The following SLC8A1 variants were observed in gnomAD, a reference collection of about 807,000 sequenced individuals.
SLC8A1 encodes the protein sodium/calcium exchanger 1.
In SLC8A1, 18 loss-of-function variants were observed where a neutral mutation model predicts 68.3. The observed-to-expected ratio is 0.26, with a 90% confidence interval of 0.18 to 0.39. The LOEUF is 0.39. SLC8A1 is among the 10% of genes least tolerant of loss of function. The pLI is 1.00. For synonymous variants in SLC8A1, 475 were observed against 415.5 expected, an observed-to-expected ratio of 1.14 and a Z score of -1.74; for missense variants, 985 against 1,156.7, an observed-to-expected ratio of 0.85 and a Z score of 2.15.
At chr2:40,429,459 C>G (rs539655305) in exon 2 of SLC8A1, 1 of 1,613,902 alleles carries the variant, frequency 6.2e-7, no homozygotes, top group South Asian at 1.1e-5. Flanking sequence ...GTTCAATAAT[C>G]ATCCCCCTCT....
intron 2 of SLC8A1, among the ~76,000 whole-genome samples, chr2:40,369,341 T>G (rs907972023): frequency 1.3e-5 from 2 of 152,106 alleles, no homozygotes; most frequent in African/African-American, 4.8e-5. Context: ...GTTTCTAGTG[T>G]GTCTGCAACC....
At chr2:40,119,298 C>A (rs989850646) in intron 7 of SLC8A1, among the ~76,000 whole-genome samples, 1 of 150,962 alleles carries the variant, frequency 6.6e-6, no homozygotes, top group South Asian at 2.1e-4. Context: ...GACATCAGGC[C>A]TTTTGTCTGT....
At chr2:40,413,434 T>G (rs1239466644) in intron 2 of SLC8A1, among the ~76,000 whole-genome samples, 4 of 152,162 alleles carry the variant, frequency 2.6e-5, no homozygotes, top group Non-Finnish European at 4.4e-5. Context: ...AAAAAAATGA[T>G]GAGTTCATGT....
chr2:40,445,604 G>T (rs1461626254), intron 1 of SLC8A1, among the ~76,000 whole-genome samples: 13 of 152,176 alleles, frequency 8.5e-5, no homozygotes, highest in Admixed American at 8.5e-4. Context: ...GCAAAACTAG[G>T]TGATATCAGA....
At chr2:40,142,345 C>T (rs759057525) in intron 6 of SLC8A1, among the ~76,000 whole-genome samples, 85 of 150,682 alleles carry the variant, frequency 5.6e-4, no homozygotes, top group Non-Finnish European at 4.0e-4. Context: ...ACCCACTCCC[C>T]ATTCCAGCCG....
intron 2 of SLC8A1, among the ~76,000 whole-genome samples, chr2:40,325,208 C>T (rs1160761419): frequency 6.6e-6 from 1 of 152,126 alleles, no homozygotes; most frequent in Non-Finnish European, 1.5e-5. Flanking sequence ...CCTTGTGAGG[C>T]TTCAGATTGA....
At chr2:40,452,369 C>T (rs1205310474), upstream of SLC8A1, among the ~76,000 whole-genome samples, 1 of 152,122 alleles carries the variant, frequency 6.6e-6, no homozygotes, top group Non-Finnish European at 1.5e-5. Flanking sequence ...AGCCTCCCAG[C>T]CTCTGCCGGC....
chr2:40,170,391 A>G (rs374174274), intron 4 of SLC8A1, 42 bp from the exon 7 acceptor site: 17 of 1,540,844 alleles, frequency 1.1e-5, no homozygotes, highest in East Asian at 2.2e-5. Flanking sequence ...AATGGATTGC[A>G]TTGATTTGCT....
intron 2 of SLC8A1, among the ~76,000 whole-genome samples, chr2:40,427,759 A>G (rs1697260660): frequency 6.6e-6 from 1 of 152,160 alleles, no homozygotes; most frequent in African/African-American, 2.4e-5. Flanking sequence ...AGACACGTGG[A>G]CAGAACCTTA....
chr2:40,442,907 T>C (rs188611570), intron 1 of SLC8A1, among the ~76,000 whole-genome samples: 2 of 152,126 alleles, frequency 1.3e-5, no homozygotes, highest in Non-Finnish European at 2.9e-5. Flanking sequence ...ATAGACACCA[T>C]GGAATACTAT....
At chr2:40,448,928 C>T (rs1187215187) in intron 1 of SLC8A1, among the ~76,000 whole-genome samples, 1 of 152,106 alleles carries the variant, frequency 6.6e-6, no homozygotes, top group Non-Finnish European at 1.5e-5. Flanking sequence ...TTAATGTTTA[C>T]TTGAAAGCAA....
At chr2:40,487,242 C>T (rs1043124134) in intron 1 of SLC8A1, among the ~76,000 whole-genome samples, 4 of 151,968 alleles carry the variant, frequency 2.6e-5, no homozygotes, top group South Asian at 2.1e-4. Flanking sequence ...GAGGTAAAAT[C>T]GGTAAGATGT....
chr2:40,284,949 T>G (rs373234489), intron 2 of SLC8A1, among the ~76,000 whole-genome samples: 1 of 152,098 alleles, frequency 6.6e-6, no homozygotes, highest in Non-Finnish European at 1.5e-5. Context: ...CTCATGCATT[T>G]TGATACTCTA....
exon 2 of SLC8A1, chr2:40,429,173 G>A (rs752998555): frequency 5.0e-6 from 8 of 1,613,434 alleles, no homozygotes; most frequent in Non-Finnish European, 5.9e-6. Context: ...GTCATGAGGC[G>A]AGTAGCTTGA....
chr2:40,098,752 A>C (rs539160462), exon 8 of SLC8A1: 3 of 152,046 alleles, frequency 2.0e-5, no homozygotes, highest in Non-Finnish European at 2.9e-5. Context: ...TGTGTACTAC[A>C]TTGGCTTAAA....
chr2:40,205,228 CATAA>C (rs2055164280), intron 2 of SLC8A1, among the ~76,000 whole-genome samples: 1 of 151,392 alleles, frequency 6.6e-6, no homozygotes, highest in African/African-American at 2.4e-5. Context: ...TGTTGTACAT[CATAA>C]ATATATAGTT....
At chr2:40,210,614 T>TA (rs1265089721) in intron 2 of SLC8A1, among the ~76,000 whole-genome samples, 1 of 152,158 alleles carries the variant, frequency 6.6e-6, no homozygotes, top group East Asian at 1.9e-4. Context: ...GCTCTTGCTG[T>TA]AAAATGAAAG....
chr2:40,190,192 T>C (rs995048106), intron 2 of SLC8A1, among the ~76,000 whole-genome samples: 1 of 152,220 alleles, frequency 6.6e-6, no homozygotes, highest in African/African-American at 2.4e-5. Context: ...TTCCCAAGTT[T>C]GTCATCAAAA....
intron 2 of SLC8A1, among the ~76,000 whole-genome samples, chr2:40,185,922 CCA>C (rs2050616816): frequency 1.3e-5 from 2 of 152,082 alleles, no homozygotes; most frequent in Admixed American, 6.6e-5. Context: ...ACTGTGATTT[CCA>C]CAGTTTTCAT....
Sources: gnomAD v4.1 joint callset for allele counts (sites outside exome capture counted in the v4.1 genomes callset) on GRCh38, gnomAD v4.1.1 for gene constraint, MANE v1.5 for transcripts, NCBI Gene and HGNC (gene_info 2026-07-23, HGNC 2026-07-21) for gene names.